SNX7: variants seen among roughly 807,000 people sequenced by gnomAD.
SNX7 encodes the protein sorting nexin 7, also known as sorting nexin-7.
In SNX7, 35 loss-of-function variants were observed where a neutral mutation model predicts 48.4. That is an observed-to-expected ratio of 0.72 (90% CI 0.55 to 0.96). The LOEUF (loss-of-function observed/expected upper bound fraction) is 0.96, where lower values mean the gene tolerates loss of function less well. Ranked by LOEUF, SNX7 falls within the 40% of genes least tolerant of loss-of-function variation. SNX7 has a pLI of 0.00. For missense variants in SNX7, 553 were observed against 548.9 expected (o/e 1.01, Z -0.07); for synonymous variants, 190 against 190.2 (o/e 1.00, Z 0.01).
chr1:98,723,614 G>A lies in SNX7; in HGVS notation c.1126-14623G>A, dbSNP rs138161071. ...GTGCAGTGGCTCACACCCGTTTTGG[G>A]AGGCCTAGGTGGGCGGATCACCTGA... On this transcript the variant is annotated intron_variant, in intron 7 of 8. Transcript: ENST00000306121. 9.9e-3 allele frequency among the ~76,000 whole-genome samples: 1,505 copies of A among 152,090 alleles called. 12 individuals are homozygous for A. Among genetic ancestry groups the A allele is most frequent in the Non-Finnish European group, 0.016 (1,121 of 67,982 alleles).
intron 5 of SNX7, among the ~76,000 whole-genome samples, chr1:98,698,302 A>G (rs967132522): frequency 7.2e-5 from 11 of 152,112 alleles, no homozygotes; most frequent in Admixed American, 4.6e-4. Flanking sequence ...TATGGATAGT[A>G]ATTACCACTA....
At chr1:98,748,965 G>A (rs1384740474) in intron 8 of SNX7, among the ~76,000 whole-genome samples, 1 of 152,058 alleles carries the variant, frequency 6.6e-6, no homozygotes, top group Admixed American at 6.6e-5. Flanking sequence ...TAATCCAGAG[G>A]TAAATGTGCT....
intron 1 of SNX7, among the ~76,000 whole-genome samples, chr1:98,667,269 AC>A (rs1221407716): frequency 6.6e-6 from 1 of 152,222 alleles, no homozygotes; most frequent in Non-Finnish European, 1.5e-5. Flanking sequence ...TCAGAAGTAG[AC>A]TATGGAATTT....
chr1:98,714,551 A>G (rs4617427), intron 7 of SNX7, among the ~76,000 whole-genome samples: 43,846 of 152,100 alleles, frequency 0.29, 6,850 homozygotes, highest in Non-Finnish European at 0.34. Context: ...ATGATAAAGA[A>G]TACCAGGAGG....
chr1:98,682,937 A>T (rs1002048942), intron 1 of SNX7, among the ~76,000 whole-genome samples: 1 of 152,140 alleles, frequency 6.6e-6, no homozygotes, highest in South Asian at 2.1e-4. Flanking sequence ...TTTGGTTCAC[A>T]TAGTAGGACA....
intron 8 of SNX7, among the ~76,000 whole-genome samples, chr1:98,739,269 A>C (rs1405613720): frequency 4.7e-5 from 7 of 150,438 alleles, no homozygotes; most frequent in Non-Finnish European, 1.0e-4. Flanking sequence ...CCCGCCGCTC[A>C]CCTCCTGCTG....
intron 7 of SNX7, among the ~76,000 whole-genome samples, chr1:98,720,028 C>T (rs1324064929): frequency 1.3e-5 from 2 of 151,434 alleles, no homozygotes; most frequent in South Asian, 2.1e-4. Flanking sequence ...ATGCTGCCTT[C>T]GAAATATACT....
At chr1:98,758,269 G>A (rs1037122780) in intron 8 of SNX7, among the ~76,000 whole-genome samples, 1 of 151,922 alleles carries the variant, frequency 6.6e-6, no homozygotes, top group African/African-American at 2.4e-5. Flanking sequence ...CTTTTCATGA[G>A]TATAGACATT....
At chr1:98,672,909 C>A (rs1372500279) in intron 1 of SNX7, among the ~76,000 whole-genome samples, 4 of 107,940 alleles carry the variant, frequency 3.7e-5, no homozygotes, top group African/African-American at 1.5e-4. Flanking sequence ...CCGGCCTGGG[C>A]GACAGAGCGA....
intron 7 of SNX7, among the ~76,000 whole-genome samples, chr1:98,710,438 A>AT (rs57449152): frequency 2.7e-4 from 41 of 150,558 alleles, no homozygotes; most frequent in African/African-American, 7.5e-4. Context: ...CTCTAGGAAG[A>AT]TTTTTTTTTT....
In SNX7 at chr1:98,746,483, A is replaced by G. The variant is rs977358289; in HGVS notation, c.1278+8094A>G. 1.1e-3 allele frequency among the ~76,000 whole-genome samples: 161 copies of G among 152,096 alleles called. 2 individuals are homozygous for G. The highest frequency in any genetic ancestry group is 1.1e-3 in the Non-Finnish European group (76 of 67,976). On this transcript the variant is annotated intron_variant, in intron 8 of 8. Coordinates refer to ENST00000306121, the MANE Select transcript of SNX7 (RefSeq NM_015976.5). Reference sequence around the variant, plus strand: ...GAAAGAAACCTAGTCACCTTTCTTTATCCTCTCACATACTGAATTTGTTTG... The same window carrying G: ...GAAAGAAACCTAGTCACCTTTCTTTGTCCTCTCACATACTGAATTTGTTTG...
At chr1:98,717,392 T>C (rs1652644676) in intron 7 of SNX7, among the ~76,000 whole-genome samples, 1 of 152,186 alleles carries the variant, frequency 6.6e-6, no homozygotes, top group East Asian at 1.9e-4. Flanking sequence ...ACATTGCACA[T>C]GCAGGAATTT....
At chr1:98,664,234 T>C (rs184378089) in intron 1 of SNX7, among the ~76,000 whole-genome samples, 2 of 152,356 alleles carry the variant, frequency 1.3e-5, no homozygotes, top group East Asian at 3.9e-4. Context: ...AATATGTGTC[T>C]GGTATACTCT....
chr1:98,702,981 C>A (rs555994278), intron 7 of SNX7, among the ~76,000 whole-genome samples: 9 of 152,098 alleles, frequency 5.9e-5, no homozygotes, highest in South Asian at 2.1e-4. Context: ...CTGCATCCCC[C>A]CTCCCTGCTT....
chr1:98,721,347 A>G (rs1338326643), intron 7 of SNX7, among the ~76,000 whole-genome samples: 1 of 152,112 alleles, frequency 6.6e-6, no homozygotes, highest in Non-Finnish European at 1.5e-5. Context: ...TAAACTGTGC[A>G]CGTAAGTAGA....
At chr1:98,705,480 CAAAT>C (rs2100981842) in intron 7 of SNX7, among the ~76,000 whole-genome samples, 1 of 152,262 alleles carries the variant, frequency 6.6e-6, no homozygotes, top group East Asian at 1.9e-4. Flanking sequence ...TTGTGTAATG[CAAAT>C]AAATTGCTTG....
At chr1:98,722,469 T>A (rs1169727131) in intron 7 of SNX7, among the ~76,000 whole-genome samples, 5 of 152,164 alleles carry the variant, frequency 3.3e-5, no homozygotes, top group Non-Finnish European at 7.4e-5. Flanking sequence ...GAGGTAGCTG[T>A]CAGATTAGAA....
chr1:98,695,891 C>T (rs919762611), intron 5 of SNX7, among the ~76,000 whole-genome samples, 175 bp downstream of exon 5: 3 of 152,136 alleles, frequency 2.0e-5, no homozygotes, highest in African/African-American at 7.2e-5. Context: ...TAGTTATGGC[C>T]AGTCTCCATT....
intron 7 of SNX7, among the ~76,000 whole-genome samples, chr1:98,730,135 G>GTA (rs1653428494): frequency 6.6e-6 from 1 of 151,956 alleles, no homozygotes; most frequent in South Asian, 2.1e-4. Flanking sequence ...AATCCATCAC[G>GTA]TAAACAGAAC....
Sources: gnomAD v4.1 joint callset for allele counts (sites outside exome capture counted in the v4.1 genomes callset) on GRCh38, gnomAD v4.1.1 for gene constraint, MANE v1.5 for transcripts, NCBI Gene and HGNC (gene_info 2026-07-23, HGNC 2026-07-21) for gene names.